ZNF627: variants seen among roughly 807,000 people sequenced by gnomAD.
ZNF627 encodes zinc finger protein 627.
A neutral mutation model predicts 10.6 loss-of-function variants in ZNF627; 12 were observed. The observed-to-expected ratio is 1.13, with a 90% confidence interval of 0.73 to 1.84. The LOEUF (loss-of-function observed/expected upper bound fraction) is 1.84, where lower values mean the gene tolerates loss of function less well. Among genes scored for constraint, ZNF627 ranks in the 40% most tolerant of loss-of-function variants. The pLI, the probability that ZNF627 is intolerant of heterozygous loss-of-function variation, is 0.00. For synonymous variants in ZNF627, 176 were observed against 187.1 expected, an observed-to-expected ratio of 0.94 and a Z score of 0.48; for missense variants, 504 against 568.4, an observed-to-expected ratio of 0.89 and a Z score of 1.15.
intron 1 of ZNF627, among the ~76,000 whole-genome samples, chr19:11,604,548 C>A (rs575515781): frequency 1.3e-5 from 2 of 152,140 alleles, no homozygotes; most frequent in African/African-American, 4.8e-5. Context: ...ACACCCTCCC[C>A]CTCCATGGAT....
intron 1 of ZNF627, among the ~76,000 whole-genome samples, chr19:11,608,455 T>C (rs879380352): frequency 6.6e-6 from 1 of 152,236 alleles, no homozygotes; most frequent in African/African-American, 2.4e-5. Flanking sequence ...TAGTTATTTA[T>C]AATTTTCCAT....
intron 1 of ZNF627, among the ~76,000 whole-genome samples, chr19:11,613,919 T>C (rs1973821775): frequency 2.1e-5 from 1 of 48,348 alleles, no homozygotes; most frequent in African/African-American, 6.0e-5. Flanking sequence ...TTACTAGATT[T>C]TTTTTTTTTT....
At position 11,617,620 on chromosome 19, in the gene ZNF627, AGTT is replaced by A. The variant is rs768326171; in HGVS notation, c.1121_1123del (p.Cys374del). ...TTGTAAGCAATGTGGGAAAGCCTTC[AGTT>A]GTTCCAGTTCGTTTCGAAAACATGA... On this transcript the variant is annotated inframe_deletion, in exon 4 of 4. Coordinates refer to ENST00000361113, the MANE Select transcript of ZNF627 (RefSeq NM_145295.4). 3.1e-6 allele frequency: 5 copies of A among 1,613,844 alleles called. No homozygotes were observed. The highest frequency in any genetic ancestry group is 3.4e-6 in the Non-Finnish European group (4 of 1,179,934).
chr19:11,610,423 C>T (rs1432673506), intron 1 of ZNF627, among the ~76,000 whole-genome samples: 1 of 151,880 alleles, frequency 6.6e-6, no homozygotes, highest in Non-Finnish European at 1.5e-5. Context: ...CAGTTGCTGC[C>T]CTTTTTTTTC....
In ZNF627 at chr19:11,597,501, C is replaced by A; in HGVS notation, c.-127C>A. ...AGCCTTTGTTTCTGGCGACCGTCCC[C>A]ACCCGGGCTCGCGTCTCCGTTTCTC... On this transcript the variant is annotated 5_prime_UTR_variant, in exon 1 of 4. Coordinates refer to ENST00000361113, the MANE Select transcript of ZNF627 (RefSeq NM_145295.4). The A allele has an allele frequency of 9.6e-7, 1 of 1,039,266 alleles. No individual in the cohort carries two copies. The highest frequency in any genetic ancestry group is 1.3e-6 in the Non-Finnish European group (1 of 795,428). 64.4% of individuals were successfully genotyped at this position (1,039,266 alleles called of 1,614,324 possible).
At chr19:11,613,498 CTT>C (rs202239094) in intron 1 of ZNF627, among the ~76,000 whole-genome samples, 1 of 121,210 alleles carries the variant, frequency 8.3e-6, no homozygotes, top group Non-Finnish European at 1.9e-5. Context: ...ATTTTTACCT[CTT>C]TTTTTTTAAA....
rs774895553 is a variant in ZNF627, at chr19:11,597,622, C to T, written c.-6C>T. ...GGAGGACGCCGGGACACCTGGAAGC[C>T]GAGAAATGGTGCGTGTGAGGGGTCA... On this transcript the variant is annotated 5_prime_UTR_variant, in exon 1 of 4. Coordinates refer to ENST00000361113, the MANE Select transcript of ZNF627 (RefSeq NM_145295.4). 21 of 1,334,032 alleles carry T rather than the reference C, an allele frequency of 1.6e-5. No homozygotes were observed. The highest frequency in any genetic ancestry group is 3.0e-5 in the Admixed American group (1 of 33,158). The allele number at this position is 1,334,032 out of a possible 1,614,324, so 82.6% of individuals were successfully genotyped here. A position where few individuals can be genotyped will look rare whatever the true frequency, so the allele number is the denominator to read the frequency against.
chr19:11,608,497 CTTTTT>C (rs1973712704), intron 1 of ZNF627, among the ~76,000 whole-genome samples: 3 of 152,048 alleles, frequency 2.0e-5, no homozygotes, highest in African/African-American at 7.2e-5. Context: ...AAAGATTTAT[CTTTTT>C]GTCAGTGTAT....
chr19:11,599,310 G>A (rs1294962262), intron 1 of ZNF627, among the ~76,000 whole-genome samples: 1 of 152,192 alleles, frequency 6.6e-6, no homozygotes, highest in Non-Finnish European at 1.5e-5. Context: ...GGGACACTCA[G>A]CTTTTCTTCC....
chr19:11,611,059 G>T (rs755923303), intron 1 of ZNF627, among the ~76,000 whole-genome samples: 13 of 151,998 alleles, frequency 8.6e-5, no homozygotes, highest in Admixed American at 2.6e-4. Flanking sequence ...TACCATGTTG[G>T]CCAGGCTGGT....
At chr19:11,609,551 C>A (rs1387753221) in intron 1 of ZNF627, among the ~76,000 whole-genome samples, 1 of 142,734 alleles carries the variant, frequency 7.0e-6, no homozygotes, top group African/African-American at 2.6e-5. Context: ...GAGTCTTGCC[C>A]TGTCGCCCAG....
intron 3 of ZNF627, among the ~76,000 whole-genome samples, chr19:11,615,382 C>T (rs1042786240): frequency 3.3e-5 from 5 of 150,452 alleles, no homozygotes; most frequent in Admixed American, 1.3e-4. Context: ...GGGCAGATCA[C>T]GAGGTCAGGA....
chr19:11,617,464 A>G lies in ZNF627; in HGVS notation c.961A>G (p.Ser321Gly), dbSNP rs770267735. The change falls in exon 4 of 4, where the codon AGT becomes GGT. Residue 321 changes from serine (S) to glycine (G), a missense_variant. By Grantham distance (56) the Ser-to-Gly change is moderately conservative. Transcript: ENST00000361113. ...ECGKALTCLA[S>G]VRRHMIKHTG... Reference sequence around the variant, plus strand: ...CGGGAAGGCTTTGACTTGTCTTGCAAGTGTTAGAAGACACATGATAAAGCA... The same window carrying G: ...CGGGAAGGCTTTGACTTGTCTTGCAGGTGTTAGAAGACACATGATAAAGCA... The G allele has an allele frequency of 1.7e-5, 27 of 1,613,746 alleles. No homozygotes were observed. Among genetic ancestry groups the G allele is most frequent in the Non-Finnish European group, 2.3e-5 (27 of 1,179,998 alleles).
chr19:11,615,589 T>A (rs1599664287), intron 3 of ZNF627, among the ~76,000 whole-genome samples: 1 of 146,042 alleles, frequency 6.8e-6, no homozygotes, highest in Admixed American at 6.9e-5. Context: ...GGTGACAGAG[T>A]GAGACTCTGT....
At chr19:11,603,432 G>C (rs1281688850) in intron 1 of ZNF627, among the ~76,000 whole-genome samples, 2 of 150,548 alleles carry the variant, frequency 1.3e-5, no homozygotes, top group Non-Finnish European at 3.0e-5. Context: ...CAGGTGCACA[G>C]TACCACACCA....
chr19:11,612,450 GTCTCAC>G (rs1196467483), intron 1 of ZNF627, among the ~76,000 whole-genome samples: 1 of 70,242 alleles, frequency 1.4e-5, no homozygotes, highest in African/African-American at 4.7e-5. Context: ...TTGAGACAGA[GTCTCAC>G]TGTCATCTAG....
chr19:11,609,468 ATT>A lies in ZNF627; in HGVS notation c.4-5056_4-5055del, dbSNP rs1446781903. Among the ~76,000 whole-genome samples, 123 of 34,690 alleles carry A rather than the reference ATT, an allele frequency of 3.5e-3. 1 individual carries two copies. The highest frequency in any genetic ancestry group is 0.014 in the Middle Eastern group (1 of 74). 22.8% of individuals were successfully genotyped at this position (34,690 alleles called of 152,430 possible). A position where few individuals can be genotyped will look rare whatever the true frequency, so the allele number is the denominator to read the frequency against. On this transcript the variant is annotated intron_variant, in intron 1 of 3. Transcript: ENST00000361113. Reference sequence around the variant, plus strand: ...TACTTCCTGGGTAGTCTTTTAAAAAATTTTATATATATATATATATATATATA... The same window carrying A: ...TACTTCCTGGGTAGTCTTTTAAAAAATTATATATATATATATATATATATA...
At chr19:11,615,187 C>T (rs1175125550) in intron 3 of ZNF627, among the ~76,000 whole-genome samples, 2 of 143,990 alleles carry the variant, frequency 1.4e-5, no homozygotes, top group Non-Finnish European at 3.1e-5. Context: ...ACCTCGTGAT[C>T]TGCCTGCCTC....
intron 1 of ZNF627, among the ~76,000 whole-genome samples, chr19:11,607,665 T>C (rs1255372673): frequency 1.3e-5 from 2 of 152,174 alleles, no homozygotes; most frequent in African/African-American, 4.8e-5. Context: ...GTTTCTCGTC[T>C]CCATCTGAGA....
Sources: gnomAD v4.1 joint callset for allele counts (sites outside exome capture counted in the v4.1 genomes callset) on GRCh38, gnomAD v4.1.1 for gene constraint, MANE v1.5 for transcripts, NCBI Gene and HGNC (gene_info 2026-07-23, HGNC 2026-07-21) for gene names.